Variants in PIWIL4 observed in about 807,000 individuals in gnomAD.
PIWIL4 encodes piwi like RNA-mediated gene silencing 4, also known as piwi-like protein 4.
Under a neutral mutation model 100.9 loss-of-function variants are expected in PIWIL4, and 50 were observed. That is an observed-to-expected ratio of 0.50 (90% confidence interval 0.39 to 0.63). The LOEUF (loss-of-function observed/expected upper bound fraction) is 0.63, where lower values mean the gene tolerates loss of function less well. Ranked by LOEUF, PIWIL4 falls within the 20% of genes least tolerant of loss-of-function variation. PIWIL4 has a pLI of 0.00. For missense variants in PIWIL4, 887 were observed against 1,043.3 expected (o/e 0.85, Z 2.06); for synonymous variants, 342 against 367.5 (o/e 0.93, Z 0.79).
At chr11:94,616,392 AT>A in intron 15 of PIWIL4, 100 bp from the exon 16 acceptor site, 2 of 1,076,518 alleles carry the variant, frequency 1.9e-6, no homozygotes, top group South Asian at 1.5e-5. Context: ...GCGAACATTG[AT>A]TTTTACTCAT....
At chr11:94,583,222 C>G (rs1948350490) in intron 4 of PIWIL4, among the ~76,000 whole-genome samples, 1 of 152,140 alleles carries the variant, frequency 6.6e-6, no homozygotes, top group South Asian at 2.1e-4. Context: ...CTTTAATTCT[C>G]CCTTAAGAAG....
rs774354403 is a variant in PIWIL4, at chr11:94,597,880, G to A, written c.1345G>A (p.Val449Met). Residue 449 changes from valine to methionine, a missense_variant, in exon 11 of 20, where the codon GTG (valine) becomes ATG (methionine). Val to Met is a conservative substitution (Grantham distance 21). This residue lies in a region of PIWIL4 where 741 missense variants were observed against 930.0 expected (regional missense o/e 0.80). Coordinates refer to ENST00000299001, the MANE Select transcript of PIWIL4 (RefSeq NM_152431.3). ...GSQISLTGRIVPSEKILMQDH... is the reference protein window; with the variant it reads ...GSQISLTGRIMPSEKILMQDH... ...CCAGATATCTCTGACTGGCCGGATTGTGCCTTCAGAAAAAATATTAATGCA... is the reference window on the plus strand; with the variant it reads ...CCAGATATCTCTGACTGGCCGGATTATGCCTTCAGAAAAAATATTAATGCA... 5.0e-6 allele frequency: 8 copies of A among 1,613,906 alleles called. No individual in the cohort carries two copies. Among genetic ancestry groups the A allele is most frequent in the East Asian group, 2.2e-5 (1 of 44,866 alleles).
In PIWIL4 at chr11:94,620,068, A is replaced by G. The variant is rs989041769; in HGVS notation, c.2366A>G (p.Tyr789Cys). 4.3e-6 allele frequency: 7 copies of G among 1,613,494 alleles called. No homozygotes were observed. Among genetic ancestry groups the G allele is most frequent in the Middle Eastern group, 1.6e-4 (1 of 6,084 alleles). ...TVSPTYYNVI[Y>C]DDNGLKPDHM... ...AGTCCTACCTACTATAATGTCATCT[A>G]TGATGACAACGGCTTGAAGCCCGAC... The change falls in exon 19 of 20, where the codon TAT becomes TGT. Residue 789 changes from tyrosine to cysteine, a missense_variant. By Grantham distance (194) the Tyr-to-Cys change is radical. Coordinates refer to ENST00000299001, the MANE Select transcript of PIWIL4 (RefSeq NM_152431.3).
chr11:94,598,285 G>A (rs1466373209), intron 11 of PIWIL4, among the ~76,000 whole-genome samples: 1 of 152,188 alleles, frequency 6.6e-6, no homozygotes, highest in African/African-American at 2.4e-5. Context: ...TACCAAAACT[G>A]AGCCCAGGAG....
At chr11:94,608,799 C>A in intron 15 of PIWIL4, 113 bp downstream of exon 15, 2 of 893,924 alleles carry the variant, frequency 2.2e-6, no homozygotes, top group Non-Finnish European at 3.6e-6. Context: ...ATTTTAAACA[C>A]CAACATTTAG....
chr11:94,599,618 A>G (rs577888902), intron 11 of PIWIL4, among the ~76,000 whole-genome samples: 16 of 152,312 alleles, frequency 1.1e-4, no homozygotes, highest in African/African-American at 3.6e-4. Context: ...CTTTGCTCTC[A>G]GGCCGAGGTA....
intron 9 of PIWIL4, among the ~76,000 whole-genome samples, chr11:94,594,126 TC>T (rs1161268622): frequency 6.6e-6 from 1 of 152,178 alleles, no homozygotes; most frequent in East Asian, 1.9e-4. Flanking sequence ...ATTTGTGTGT[TC>T]CTTGAGTCAG....
At chr11:94,571,918 C>G (rs1948160082) in intron 2 of PIWIL4, among the ~76,000 whole-genome samples, 1 of 152,170 alleles carries the variant, frequency 6.6e-6, no homozygotes, top group Non-Finnish European at 1.5e-5. Context: ...TAAAAGTGTT[C>G]CTATATTTCC....
chr11:94,568,550 G>A (rs935517168), intron 1 of PIWIL4, among the ~76,000 whole-genome samples, 180 bp from the exon 2 acceptor site: 6 of 152,118 alleles, frequency 3.9e-5, no homozygotes, highest in Non-Finnish European at 5.9e-5. Context: ...AAACTATAGC[G>A]TGTCCTTATC....
At chr11:94,567,999 A>C (rs1317116612) in intron 1 of PIWIL4, among the ~76,000 whole-genome samples, 3 of 152,014 alleles carry the variant, frequency 2.0e-5, no homozygotes, top group African/African-American at 7.2e-5. Flanking sequence ...ACTCTCACAC[A>C]TGTGGTTTAG....
intron 2 of PIWIL4, among the ~76,000 whole-genome samples, chr11:94,570,291 G>A (rs1296287824): frequency 1.3e-5 from 2 of 152,010 alleles, no homozygotes; most frequent in Non-Finnish European, 2.9e-5. Flanking sequence ...CACAAATCTG[G>A]ATGCTTAAAG....
At chr11:94,583,038 A>ATGTGTGTGTGTGTG (rs1185966279) in intron 4 of PIWIL4, among the ~76,000 whole-genome samples, 1 of 104,052 alleles carries the variant, frequency 9.6e-6, no homozygotes, top group African/African-American at 4.2e-5. Context: ...GTGTGTATAT[A>ATGTGTGTGTGTGTG]TATATATGTG....
chr11:94,595,453 C>T (rs535523926), intron 10 of PIWIL4, 27 bp downstream of exon 10: 2 of 1,576,150 alleles, frequency 1.3e-6, no homozygotes, highest in Non-Finnish European at 1.7e-6. Flanking sequence ...TGCATCCTTC[C>T]TGGGGCTGAG....
intron 15 of PIWIL4, among the ~76,000 whole-genome samples, chr11:94,611,645 C>A (rs1420362730): frequency 1.3e-5 from 2 of 152,112 alleles, no homozygotes; most frequent in African/African-American, 4.8e-5. Context: ...AGATTGCCCT[C>A]CCCATGGTAA....
At chr11:94,599,770 G>A (rs930637387) in intron 11 of PIWIL4, among the ~76,000 whole-genome samples, 3 of 152,328 alleles carry the variant, frequency 2.0e-5, no homozygotes, top group East Asian at 1.9e-4. Context: ...TAAACCTGTC[G>A]CTGCTGCCAA....
chr11:94,595,853 T>C (rs941547646), intron 10 of PIWIL4, among the ~76,000 whole-genome samples: 2 of 152,342 alleles, frequency 1.3e-5, no homozygotes, highest in South Asian at 4.1e-4. Flanking sequence ...AACCCCACTA[T>C]GTGCCTTTTA....
chr11:94,604,083 C>T (rs1393750326), intron 13 of PIWIL4, 27 bp downstream of exon 13: 8 of 1,444,940 alleles, frequency 5.5e-6, no homozygotes, highest in Non-Finnish European at 7.6e-6. Flanking sequence ...TTTTGAACTC[C>T]TTTAATCTAT....
chr11:94,601,683 A>G, intron 11 of PIWIL4, 112 bp from the exon 12 acceptor site: 1 of 1,023,682 alleles, frequency 9.8e-7, no homozygotes, highest in Non-Finnish European at 1.5e-6. Flanking sequence ...AAGACTGAAT[A>G]GCAAACTGTG....
At chr11:94,568,944 G>A in intron 2 of PIWIL4, 136 bp downstream of exon 2, 1 of 728,446 alleles carries the variant, frequency 1.4e-6, no homozygotes, top group Non-Finnish European at 2.3e-6. Context: ...CCTTTGTCAT[G>A]TTCCTTTGGG....
Sources: allele counts gnomAD v4.1 joint callset (sites outside exome capture counted in the v4.1 genomes callset), GRCh38; gene constraint gnomAD v4.1.1; regional missense constraint gnomAD v4.1.1; transcripts MANE v1.5; gene names NCBI Gene and HGNC (gene_info 2026-07-23, HGNC 2026-07-21).